The following PLCB4 variants were observed in gnomAD, a reference collection of about 807,000 sequenced individuals.
PLCB4 encodes 1-phosphatidylinositol 4,5-bisphosphate phosphodiesterase beta-4.
A neutral mutation model predicts 178.8 loss-of-function variants in PLCB4; 77 were observed. The observed-to-expected ratio is 0.43, with a 90% CI of 0.36 to 0.52. The LOEUF (loss-of-function observed/expected upper bound fraction) is 0.52. PLCB4 is among the 20% of genes least tolerant of loss of function. PLCB4 has a pLI of 0.00. For missense variants in PLCB4, 1,024 were observed against 1,453.4 expected (o/e 0.70, Z 4.80); for synonymous variants, 496 against 490.8 (o/e 1.01, Z -0.14).
At chr20:9,306,540 A>T (rs1254547660) in intron 3 of PLCB4, among the ~76,000 whole-genome samples, 2 of 152,212 alleles carry the variant, frequency 1.3e-5, no homozygotes, top group African/African-American at 4.8e-5. Context: ...GTGGTTAATT[A>T]TATTTTAGGA....
intron 33 of PLCB4, among the ~76,000 whole-genome samples, chr20:9,455,607 T>G (rs1435336057): frequency 1.3e-5 from 2 of 152,168 alleles, no homozygotes; most frequent in African/African-American, 2.4e-5. Context: ...AATAAAGCCC[T>G]GTTTTATCCT....
At chr20:9,212,369 T>G (rs1205279434) in intron 2 of PLCB4, among the ~76,000 whole-genome samples, 1 of 152,224 alleles carries the variant, frequency 6.6e-6, no homozygotes, top group Non-Finnish European at 1.5e-5. Context: ...TACTCTTCAC[T>G]TTAAAACAAA....
intron 2 of PLCB4, among the ~76,000 whole-genome samples, chr20:9,167,016 A>C (rs1033335946): frequency 6.6e-6 from 1 of 152,204 alleles, no homozygotes; most frequent in African/African-American, 2.4e-5. Flanking sequence ...TTTGGCATCA[A>C]TTAGATATTT....
Position 9,319,999 on chromosome 20 carries a change from C to G in PLCB4, c.84+12101C>G, listed in dbSNP as rs140141129. Among the ~76,000 whole-genome samples the G allele has an allele frequency of 1.3e-3, 201 of 152,194 alleles. 2 individuals are homozygous for G. Among genetic ancestry groups the G allele is most frequent in the African/African-American group, 4.7e-3 (195 of 41,526 alleles). ...GATCAGGAAAGTATCCTGATCTAGA[C>G]CCTAAGAGAGAGGATTCTTGGATCT... On this transcript the variant is annotated intron_variant, in intron 4 of 39. Transcript: ENST00000378473.
At chr20:9,407,103 G>A (rs570991527) in intron 21 of PLCB4, among the ~76,000 whole-genome samples, 2 of 152,238 alleles carry the variant, frequency 1.3e-5, no homozygotes, top group African/African-American at 4.8e-5. Context: ...ACATTCTAGA[G>A]TGCTACAGTG....
At chr20:9,154,456 G>A (rs561760001) in intron 2 of PLCB4, among the ~76,000 whole-genome samples, 12 of 152,120 alleles carry the variant, frequency 7.9e-5, no homozygotes, top group Non-Finnish European at 1.3e-4. Flanking sequence ...TGAAATGATG[G>A]AGTTAACATT....
rs2035693788 is a variant in PLCB4 at position 9,365,446 on chromosome 20, G to C, written c.450-15G>C. ...TAAGAAACATTAAGGCAATGTTATT[G>C]CTATTGTTTTGCAGCTGGATGAAAT... On this transcript the variant is annotated splice_polypyrimidine_tract_variant and intron_variant, in intron 8 of 39. Coordinates refer to ENST00000378473, the MANE Select transcript of PLCB4 (RefSeq NM_001377142.1). 1.3e-6 allele frequency: 2 copies of C among 1,571,886 alleles called. No homozygotes were observed. The highest frequency in any genetic ancestry group is 1.7e-5 in the Admixed American group (1 of 59,562).
chr20:9,122,926 C>T (rs374341341), intron 2 of PLCB4, among the ~76,000 whole-genome samples: 1 of 152,084 alleles, frequency 6.6e-6, no homozygotes, highest in African/African-American at 2.4e-5. Flanking sequence ...CATCATGGAC[C>T]TGTCTGGATA....
chr20:9,414,689 G>A (rs991756431), intron 25 of PLCB4, among the ~76,000 whole-genome samples: 1 of 152,160 alleles, frequency 6.6e-6, no homozygotes, highest in African/African-American at 2.4e-5. Context: ...GTGGGAGGAC[G>A]CACCACTGGG....
chr20:9,473,752 A>G (rs2044348697), intron 38 of PLCB4, among the ~76,000 whole-genome samples: 1 of 152,130 alleles, frequency 6.6e-6, no homozygotes, highest in African/African-American at 2.4e-5. Context: ...GAAACCACCT[A>G]TTTTCAAACT....
At chr20:9,273,595 G>T (rs1291546275) in intron 3 of PLCB4, among the ~76,000 whole-genome samples, 2 of 151,802 alleles carry the variant, frequency 1.3e-5, no homozygotes, top group Admixed American at 6.6e-5. Context: ...GTAGGTATTT[G>T]CCAGGTGAAG....
intron 19 of PLCB4, among the ~76,000 whole-genome samples, chr20:9,398,919 C>G (rs978488322): frequency 2.0e-5 from 3 of 152,184 alleles, no homozygotes; most frequent in Non-Finnish European, 4.4e-5. Flanking sequence ...CTACCTGATT[C>G]AAGTCAAGAC....
intron 4 of PLCB4, among the ~76,000 whole-genome samples, chr20:9,331,561 A>G (rs566921453): frequency 6.6e-6 from 1 of 152,344 alleles, no homozygotes; most frequent in South Asian, 2.1e-4. Flanking sequence ...CACTTCAATC[A>G]GAGTATTTGG....
intron 28 of PLCB4, among the ~76,000 whole-genome samples, chr20:9,426,849 C>T (rs73250477): frequency 0.038 from 5,780 of 152,096 alleles, 371 homozygotes; most frequent in African/African-American, 0.13. Flanking sequence ...CTGAAGTTTT[C>T]TTCCTTGGCC....
chr20:9,462,526 CTA>C (rs2043469579), intron 35 of PLCB4, among the ~76,000 whole-genome samples: 1 of 152,082 alleles, frequency 6.6e-6, no homozygotes, highest in Non-Finnish European at 1.5e-5. Context: ...TGAAAAAAGG[CTA>C]GATGAATGGA....
At chr20:9,250,973 C>T (rs1485727101) in intron 3 of PLCB4, among the ~76,000 whole-genome samples, 2 of 152,154 alleles carry the variant, frequency 1.3e-5, no homozygotes, top group African/African-American at 4.8e-5. Context: ...TATGCATGTC[C>T]AACAGAGAAA....
intron 35 of PLCB4, among the ~76,000 whole-genome samples, chr20:9,465,903 A>G (rs898314308): frequency 6.6e-5 from 10 of 152,198 alleles, no homozygotes. Flanking sequence ...CAAGCTACCA[A>G]TGACTTTCTT....
chr20:9,471,521 C>T (rs966761617), intron 36 of PLCB4, among the ~76,000 whole-genome samples: 12 of 151,968 alleles, frequency 7.9e-5, no homozygotes, highest in Admixed American at 2.0e-4. Context: ...AAATTTGAAA[C>T]GTTAGATGGA....
chr20:9,410,950 A>G (rs902427777), intron 24 of PLCB4, 87 bp from the exon 25 acceptor site: 1 of 910,284 alleles, frequency 1.1e-6, no homozygotes, highest in Non-Finnish European at 1.8e-6. Flanking sequence ...CCTAGGAGCA[A>G]TCTGATACCT....
Sources: allele counts gnomAD v4.1 joint callset (sites outside exome capture counted in the v4.1 genomes callset), GRCh38; gene constraint gnomAD v4.1.1; transcripts MANE v1.5; gene names NCBI Gene and HGNC (gene_info 2026-07-23, HGNC 2026-07-21).